The following TSPAN7 variants were observed in gnomAD, a reference collection of about 807,000 sequenced individuals.
TSPAN7 encodes the protein tetraspanin 7.
In TSPAN7, 1 loss-of-function variant was observed where a neutral mutation model predicts 17.6. The ratio of observed to expected loss-of-function variants is 0.06; its 90% CI spans 0.02 to 0.27. The LOEUF (loss-of-function observed/expected upper bound fraction) is 0.27. Among genes scored for constraint, TSPAN7 ranks in the 10% least tolerant of loss-of-function variants. The pLI, the probability that TSPAN7 is intolerant of heterozygous loss-of-function variation, is 1.00. For synonymous variants in TSPAN7, 78 were observed against 79.0 expected, an observed-to-expected ratio of 0.99 and a Z score of 0.07; for missense variants, 112 against 201.7, an observed-to-expected ratio of 0.56 and a Z score of 2.69.
intron 3 of TSPAN7, among the ~76,000 whole-genome samples, chrX:38,673,625 G>A (rs1285922568): frequency 9.1e-6 from 1 of 110,196 alleles, no homozygotes; most frequent in Non-Finnish European, 1.9e-5. Context: ...TGCCCATGTC[G>A]GCCTCCCAAA....
intron 1 of TSPAN7, among the ~76,000 whole-genome samples, chrX:38,591,326 G>A (rs1446236896): frequency 9.0e-6 from 1 of 111,251 alleles, no homozygotes; most frequent in African/African-American, 3.3e-5. Context: ...ATTTTCAAAT[G>A]GAGATTTTTC....
intron 1 of TSPAN7, among the ~76,000 whole-genome samples, chrX:38,644,320 CCAGA>C (rs754215444): frequency 8.9e-6 from 1 of 111,802 alleles, no homozygotes; most frequent in East Asian, 2.8e-4. Context: ...CCTTGTGTGA[CCAGA>C]CAGTTTACTG....
chrX:38,661,846 T>C (rs2069747766), intron 1 of TSPAN7, among the ~76,000 whole-genome samples: 1 of 106,928 alleles, frequency 9.4e-6, no homozygotes, highest in Non-Finnish European at 2.0e-5. Context: ...AAAAAAAAAG[T>C]CCCTTGCTTT....
rs1333065305 is a variant in TSPAN7 at position 38,666,410 on chromosome X, C to T, written c.270+101C>T. The T allele has an allele frequency of 1.4e-5, 13 of 898,410 alleles. No homozygotes were observed. The Admixed American group carries it at 3.0e-4, about 21-fold the overall frequency. The allele number at this position is 898,410 out of a possible 1,213,427, so 74.0% of individuals were successfully genotyped here. On this transcript the variant is annotated intron_variant, in intron 2 of 7. Coordinates refer to ENST00000378482, the MANE Select transcript of TSPAN7 (RefSeq NM_004615.4). ...GTTCGTCTTGAGGTCACAGACAAGA[C>T]CTTAACAATTTCAGTCCAGACTCTT... is the stretch of plus-strand genomic sequence containing the variant.
intron 6 of TSPAN7, among the ~76,000 whole-genome samples, chrX:38,685,190 TTAGA>T (rs1035893967): frequency 3.6e-5 from 4 of 111,866 alleles, no homozygotes; most frequent in Non-Finnish European, 7.5e-5. Flanking sequence ...GGGGCTATTC[TTAGA>T]TAGGACAAGA....
chrX:38,661,461 G>A (rs1437796946), intron 1 of TSPAN7, among the ~76,000 whole-genome samples: 2 of 112,222 alleles, frequency 1.8e-5, no homozygotes, highest in Non-Finnish European at 3.8e-5. Context: ...TTTGAGCTGT[G>A]TTGTAAGCAC....
intron 6 of TSPAN7, among the ~76,000 whole-genome samples, chrX:38,687,379 C>G (rs992911926): frequency 9.0e-6 from 1 of 111,589 alleles, no homozygotes; most frequent in African/African-American, 3.3e-5. Context: ...AGACTCCCAA[C>G]AGCTGAGATC....
intron 1 of TSPAN7, among the ~76,000 whole-genome samples, chrX:38,565,402 G>A (rs1214123625): frequency 9.0e-6 from 1 of 111,307 alleles, no homozygotes; most frequent in Admixed American, 9.5e-5. Context: ...GCTAATTTTT[G>A]TATTTTTAGT....
chrX:38,581,753 T>C (rs769282352), intron 1 of TSPAN7, among the ~76,000 whole-genome samples: 1 of 112,560 alleles, frequency 8.9e-6, no homozygotes, highest in Admixed American at 9.4e-5. Flanking sequence ...AATTGCTGGC[T>C]CAGACACCTG....
Position 38,687,511 on chromosome X carries a change from A to G in TSPAN7, c.682-88A>G. ...GCATATGTCAAAAATCACATACCCC[A>G]TAAATATATAAAATTATTAATTAAA... On this transcript the variant is annotated intron_variant, in intron 6 of 7. Coordinates refer to ENST00000378482, the MANE Select transcript of TSPAN7 (RefSeq NM_004615.4). 4 of 872,605 alleles carry G rather than the reference A, an allele frequency of 4.6e-6. No homozygotes were observed. In the Admixed American group the frequency reaches 1.1e-4, roughly 24 times the overall value. The allele number at this position is 872,605 out of a possible 1,213,427, so 71.9% of individuals were successfully genotyped here.
chrX:38,650,563 A>G (rs2069670512), intron 1 of TSPAN7, among the ~76,000 whole-genome samples: 1 of 111,865 alleles, frequency 8.9e-6, no homozygotes, highest in Admixed American at 9.4e-5. Flanking sequence ...CACAGGTAGG[A>G]CTCAACCATT....
At chrX:38,587,374 G>A (rs747478169) in intron 1 of TSPAN7, among the ~76,000 whole-genome samples, 15 of 111,972 alleles carry the variant, frequency 1.3e-4, no homozygotes, top group Admixed American at 1.9e-4. Flanking sequence ...GTCTATATAT[G>A]TACACATATA....
At chrX:38,671,302 A>C in intron 2 of TSPAN7, 74 bp from the exon 3 acceptor site, 1 of 1,046,672 alleles carries the variant, frequency 9.6e-7, no homozygotes, top group Non-Finnish European at 1.3e-6. Context: ...GCTGATTGAA[A>C]GTAACCTACC....
At chrX:38,632,996 C>T (rs765019534) in intron 1 of TSPAN7, among the ~76,000 whole-genome samples, 4 of 112,357 alleles carry the variant, frequency 3.6e-5, no homozygotes, top group South Asian at 3.7e-4. Flanking sequence ...GGGGAGCATA[C>T]GACCTCACCC....
intron 1 of TSPAN7, among the ~76,000 whole-genome samples, chrX:38,658,380 A>G (rs950626612): frequency 2.8e-5 from 3 of 107,094 alleles, no homozygotes; most frequent in Non-Finnish European, 5.8e-5. Context: ...GGGTCTCACT[A>G]TGTTGCCCAG....
chrX:38,667,395 G>T (rs2069790188), intron 2 of TSPAN7, among the ~76,000 whole-genome samples: 1 of 112,433 alleles, frequency 8.9e-6, no homozygotes, highest in African/African-American at 3.2e-5. Flanking sequence ...ATAAAATTTT[G>T]TTTAAAAATA....
intron 1 of TSPAN7, among the ~76,000 whole-genome samples, chrX:38,604,657 G>A (rs1264192822): frequency 1.1e-4 from 12 of 111,159 alleles, no homozygotes; most frequent in African/African-American, 2.6e-4. Flanking sequence ...TTTTGGCTGC[G>A]TAAATGGATA....
intron 2 of TSPAN7, 53 bp from the exon 3 acceptor site, chrX:38,671,323 C>A: frequency 8.8e-7 from 1 of 1,133,568 alleles, no homozygotes; most frequent in South Asian, 1.8e-5. Flanking sequence ...CTGAAGAAGC[C>A]CTCTTCTTAA....
rs2069938170 is a variant in TSPAN7, at chrX:38,688,542, G to C, written c.*611G>C. On this transcript the variant is annotated 3_prime_UTR_variant, in exon 8 of 8. Coordinates refer to ENST00000378482, the MANE Select transcript of TSPAN7 (RefSeq NM_004615.4). ...GTCATGCATGAAGGAAACTGAACTT[G>C]AGGTGGCCTCCTTGCTTGTTACATA... 1 of 112,980 alleles carries C rather than the reference G, an allele frequency of 8.9e-6. No homozygotes were observed. Among genetic ancestry groups the C allele is most frequent in the African/African-American group, 3.2e-5 (1 of 31,007 alleles). The allele number at this position is 112,980 out of a possible 1,213,427, so 9.3% of individuals were successfully genotyped here.
Sources: allele counts gnomAD v4.1 joint callset (sites outside exome capture counted in the v4.1 genomes callset), GRCh38; gene constraint gnomAD v4.1.1; transcripts MANE v1.5; gene names NCBI Gene and HGNC (gene_info 2026-07-23, HGNC 2026-07-21).